Variants in GRIK2 observed in about 807,000 individuals in gnomAD.
The protein encoded by GRIK2 is glutamate receptor ionotropic, kainate 2.
In GRIK2, 32 loss-of-function variants were observed where a neutral mutation model predicts 100.3. The observed-to-expected ratio is 0.32, with a 90% CI of 0.24 to 0.43. GRIK2 has a LOEUF of 0.43. Ranked by LOEUF, GRIK2 falls within the 20% of genes least tolerant of loss-of-function variation. The probability of loss-of-function intolerance (pLI) is 1.00; values close to 1 mark genes in which losing one functional copy is unlikely to be tolerated. For synonymous variants in GRIK2, 417 were observed against 389.4 expected (o/e 1.07, Z -0.83); for missense variants, 843 against 1,114.9 (o/e 0.76, Z 3.47).
At chr6:101,626,113 T>C (rs887165717) in intron 3 of GRIK2, among the ~76,000 whole-genome samples, 1 of 152,074 alleles carries the variant, frequency 6.6e-6, no homozygotes, top group Non-Finnish European at 1.5e-5. Context: ...ATATTCATCC[T>C]CTCTCTCCTT....
At chr6:101,836,326 G>A (rs955587065) in intron 10 of GRIK2, among the ~76,000 whole-genome samples, 4 of 151,858 alleles carry the variant, frequency 2.6e-5, no homozygotes, top group Non-Finnish European at 4.4e-5. Context: ...CGTCCAATAC[G>A]GTAGCTTCGT....
chr6:101,987,039 A>C (rs1794053529), intron 14 of GRIK2, among the ~76,000 whole-genome samples: 1 of 151,826 alleles, frequency 6.6e-6, no homozygotes. Flanking sequence ...GCTACTTAGG[A>C]GGCTAAGGCA....
chr6:101,805,250 A>G (rs1432142769), intron 9 of GRIK2, among the ~76,000 whole-genome samples: 1 of 151,638 alleles, frequency 6.6e-6, no homozygotes, highest in Non-Finnish European at 1.5e-5. Context: ...TTCCAATTCT[A>G]TCAAAACTAA....
intron 10 of GRIK2, among the ~76,000 whole-genome samples, chr6:101,831,780 A>T (rs1180859397): frequency 6.6e-6 from 1 of 152,134 alleles, no homozygotes; most frequent in Non-Finnish European, 1.5e-5. Context: ...ATTGATATGC[A>T]ATGAAAATAC....
At chr6:101,746,608 T>G (rs2128381544) in intron 7 of GRIK2, among the ~76,000 whole-genome samples, 1 of 152,214 alleles carries the variant, frequency 6.6e-6, no homozygotes, top group African/African-American at 2.4e-5. Context: ...ATTACAGGAG[T>G]TAGCCACTGC....
intron 7 of GRIK2, among the ~76,000 whole-genome samples, chr6:101,751,570 G>A (rs2128384761): frequency 6.6e-6 from 1 of 152,130 alleles, no homozygotes; most frequent in East Asian, 1.9e-4. Context: ...AATATACAAT[G>A]ATCTAATTTC....
Position 101,676,674 on chromosome 6 carries a change from G to T in GRIK2, c.593G>T (p.Arg198Leu). ...LIKAPSRYNLRLKIRQLPADT... is the reference protein window; with the variant it reads ...LIKAPSRYNLLLKIRQLPADT... Reference sequence around the variant, plus strand: ...AAAGCTCCATCAAGGTATAATCTTCGACTCAAAATTCGTCAGTTACCTGCT... The same window carrying T: ...AAAGCTCCATCAAGGTATAATCTTCTACTCAAAATTCGTCAGTTACCTGCT... Residue 198 changes from arginine to leucine, a missense_variant, in exon 5 of 17, where the codon CGA becomes CTA. By Grantham distance (102) the Arg-to-Leu change is moderately radical (BLOSUM62 -2). Transcript: ENST00000369134. 3 of 1,602,444 alleles carry T rather than the reference G, an allele frequency of 1.9e-6. No homozygotes were observed. Among genetic ancestry groups the T allele is most frequent in the Non-Finnish European group, 2.6e-6 (3 of 1,173,138 alleles).
intron 2 of GRIK2, among the ~76,000 whole-genome samples, chr6:101,401,154 C>T (rs1448065437): frequency 1.3e-5 from 2 of 152,016 alleles, no homozygotes; most frequent in African/African-American, 2.4e-5. Flanking sequence ...AATGAGTGTG[C>T]GTTACTAAGT....
rs996821584 is a variant in GRIK2 at position 101,819,121 on chromosome 6, G to A, written c.1317+638G>A. Among the ~76,000 whole-genome samples the A allele has an allele frequency of 9.2e-5, 14 of 152,058 alleles. No individual in the cohort carries two copies. The South Asian group carries it at 1.0e-3, about 11-fold the overall frequency. ...TTAATTAGATCACACAGTAATGTTC[G>A]CTTATGCCCACTATGTCATTTGCAA... On this transcript the variant is annotated intron_variant, in intron 10 of 16. Transcript: ENST00000369134.
chr6:101,710,384 A>C (rs972015512), intron 7 of GRIK2, among the ~76,000 whole-genome samples: 2 of 151,864 alleles, frequency 1.3e-5, no homozygotes, highest in Non-Finnish European at 2.9e-5. Context: ...GCTTTGAAGT[A>C]TACCTCAAAA....
chr6:101,791,498 T>G (rs917039853), intron 7 of GRIK2, among the ~76,000 whole-genome samples: 1 of 152,226 alleles, frequency 6.6e-6, no homozygotes, highest in Non-Finnish European at 1.5e-5. Flanking sequence ...GTTGTTCAGT[T>G]TCCATGTAGT....
chr6:101,578,781 ATTG>A (rs1777906184), intron 2 of GRIK2, among the ~76,000 whole-genome samples: 1 of 152,184 alleles, frequency 6.6e-6, no homozygotes, highest in East Asian at 1.9e-4. Context: ...CAGGAATAAA[ATTG>A]TTGTTGATGT....
intron 11 of GRIK2, among the ~76,000 whole-genome samples, chr6:101,887,463 C>A (rs1223779815): frequency 6.9e-6 from 1 of 144,076 alleles, no homozygotes; most frequent in East Asian, 2.1e-4. Flanking sequence ...GTGTAGTCAA[C>A]CCTCCAAACA....
At chr6:101,671,739 C>G (rs1326237149) in intron 4 of GRIK2, among the ~76,000 whole-genome samples, 4 of 152,090 alleles carry the variant, frequency 2.6e-5, no homozygotes, top group Non-Finnish European at 5.9e-5. Flanking sequence ...TGGTGGGCAC[C>G]TGTAATCCCA....
At chr6:101,998,205 A>G (rs1000189394) in intron 14 of GRIK2, among the ~76,000 whole-genome samples, 6 of 152,146 alleles carry the variant, frequency 3.9e-5, no homozygotes, top group Non-Finnish European at 7.4e-5. Context: ...ATCAAATTGT[A>G]TAGTGAGCCA....
chr6:101,857,261 A>G (rs1463551986), intron 10 of GRIK2, among the ~76,000 whole-genome samples: 1 of 152,208 alleles, frequency 6.6e-6, no homozygotes, highest in East Asian at 1.9e-4. Context: ...ACAGTCCAGC[A>G]GAGCAGGGAG....
Position 101,411,997 on chromosome 6 carries a change from A to G in GRIK2, c.115+12605A>G, listed in dbSNP as rs552653548. On this transcript the variant is annotated intron_variant, in intron 2 of 16. Coordinates refer to ENST00000369134, the MANE Select transcript of GRIK2 (RefSeq NM_021956.5). ...CATTTGCTGTAGTTGAGAGGATTCCAACTTTTCAGTTGCCATGAATACATC... is the reference window on the plus strand; with the variant it reads ...CATTTGCTGTAGTTGAGAGGATTCCGACTTTTCAGTTGCCATGAATACATC... Among the ~76,000 whole-genome samples, 5 of 152,182 alleles carry G rather than the reference A, an allele frequency of 3.3e-5. No homozygotes were observed. The East Asian group carries it at 9.7e-4, about 29-fold the overall frequency.
At chr6:102,046,974 T>TA (rs1306344156) in intron 15 of GRIK2, among the ~76,000 whole-genome samples, 2 of 151,868 alleles carry the variant, frequency 1.3e-5, no homozygotes, top group East Asian at 1.9e-4. Context: ...GTAGGTCAAA[T>TA]AAAAAATCAA....
rs1045434458 is a variant in GRIK2, at chr6:102,058,131, G to T, written c.2562+2551G>T. 2.0e-5 allele frequency among the ~76,000 whole-genome samples: 3 copies of T among 151,772 alleles called. 1 individual carries two copies. In the East Asian group the frequency reaches 5.8e-4, roughly 29 times the overall value. ...TTTTGCTCATTTCAAACCATTTTCA[G>T]CATTAAGTCTAGATATCTTCACGCT... is the stretch of plus-strand genomic sequence containing the variant. On this transcript the variant is annotated intron_variant, in intron 16 of 16. Transcript: ENST00000369134.
Sources: gnomAD v4.1 joint callset for allele counts (sites outside exome capture counted in the v4.1 genomes callset) on GRCh38, gnomAD v4.1.1 for gene constraint, MANE v1.5 for transcripts, NCBI Gene and HGNC (gene_info 2026-07-23, HGNC 2026-07-21) for gene names.